DLG1: variants seen among roughly 807,000 people sequenced by gnomAD.
DLG1 encodes the protein disks large homolog 1.
In DLG1, 42 loss-of-function variants were observed where a neutral mutation model predicts 123.4. That is an observed-to-expected ratio of 0.34 (90% CI 0.27 to 0.44). DLG1 has a LOEUF of 0.44. Among genes scored for constraint, DLG1 ranks in the 20% least tolerant of loss-of-function variants. The probability of loss-of-function intolerance (pLI) is 1.00; values close to 1 mark genes in which losing one functional copy is unlikely to be tolerated. For missense variants in DLG1, 942 were observed against 1,082.6 expected (o/e 0.87, Z 1.82); for synonymous variants, 317 against 356.2 (o/e 0.89, Z 1.24).
intron 10 of DLG1, among the ~76,000 whole-genome samples, chr3:197,135,279 G>T (rs1784520845): frequency 6.6e-6 from 1 of 152,210 alleles, no homozygotes; most frequent in South Asian, 2.1e-4. Context: ...ATCCTGAATT[G>T]TAATCCCCAT....
intron 5 of DLG1, among the ~76,000 whole-genome samples, chr3:197,152,832 T>C (rs1379611570): frequency 2.0e-5 from 3 of 151,530 alleles, no homozygotes; most frequent in Admixed American, 2.0e-4. Context: ...ATTTTACCAT[T>C]CTATTTCATC....
chr3:197,090,435 T>C (rs1757135622), intron 15 of DLG1, among the ~76,000 whole-genome samples: 1 of 152,080 alleles, frequency 6.6e-6, no homozygotes, highest in African/African-American at 2.4e-5. Context: ...GTTTAAAAAA[T>C]GCATGTAGAA....
At chr3:197,280,825 C>G (rs1768939721) in intron 4 of DLG1, among the ~76,000 whole-genome samples, 1 of 152,210 alleles carries the variant, frequency 6.6e-6, no homozygotes, top group South Asian at 2.1e-4. Flanking sequence ...AAATAACTGT[C>G]TTAGTCCCTT....
At chr3:197,175,875 C>T (rs1806760618) in intron 5 of DLG1, among the ~76,000 whole-genome samples, 2 of 152,138 alleles carry the variant, frequency 1.3e-5, no homozygotes. Flanking sequence ...AAATGTTGCT[C>T]AGGCTGACTT....
chr3:197,173,877 G>A (rs753671434), intron 5 of DLG1, among the ~76,000 whole-genome samples: 92 of 152,192 alleles, frequency 6.0e-4, no homozygotes, highest in Non-Finnish European at 8.7e-4. Context: ...GCCGAGGCAG[G>A]CAGATCACAT....
chr3:197,136,389 A>G (rs898730848), intron 10 of DLG1, 153 bp downstream of exon 10: 2 of 582,952 alleles, frequency 3.4e-6, no homozygotes, highest in Admixed American at 6.9e-5. Context: ...AAGAATTACC[A>G]AGAATCATTT....
At chr3:197,165,148 A>G (rs556432452) in intron 5 of DLG1, among the ~76,000 whole-genome samples, 1 of 152,274 alleles carries the variant, frequency 6.6e-6, no homozygotes, top group East Asian at 1.9e-4. Flanking sequence ...TTTATTCTGA[A>G]TTATACTTTT....
chr3:197,185,934 T>C (rs1045132508), intron 5 of DLG1, among the ~76,000 whole-genome samples: 1 of 152,174 alleles, frequency 6.6e-6, no homozygotes, highest in Non-Finnish European at 1.5e-5. Flanking sequence ...TGTGCATCTA[T>C]TTACCCTACA....
At chr3:197,203,910 T>C (rs2341184) in intron 4 of DLG1, among the ~76,000 whole-genome samples, 36,499 of 152,074 alleles carry the variant, frequency 0.24, 5,567 homozygotes, top group East Asian at 0.71. Context: ...CACAGATACT[T>C]TTAGGGTAAG....
chr3:197,226,514 G>C (rs1740034077), intron 4 of DLG1, among the ~76,000 whole-genome samples: 1 of 152,128 alleles, frequency 6.6e-6, no homozygotes, highest in Non-Finnish European at 1.5e-5. Flanking sequence ...AAACACTGTA[G>C]TCTGATTTAA....
At chr3:197,119,846 T>C (rs1366803446) in intron 11 of DLG1, among the ~76,000 whole-genome samples, 1 of 152,160 alleles carries the variant, frequency 6.6e-6, no homozygotes, top group Non-Finnish European at 1.5e-5. Flanking sequence ...GGCTTTCCAA[T>C]AAGTGCGAAA....
At position 197,208,198 on chromosome 3, in the gene DLG1, G is replaced by A. The variant is rs561433087; in HGVS notation, c.319-13609C>T. ...GAGGATAAATGTAAATTAAAGCTACGCTGATATACTACTTCTCACATTATC... is the reference window on the plus strand; with the variant it reads ...GAGGATAAATGTAAATTAAAGCTACACTGATATACTACTTCTCACATTATC... On this transcript the variant is annotated intron_variant, in intron 4 of 24. Coordinates refer to ENST00000667157, the MANE Select transcript of DLG1 (RefSeq NM_001366207.1). Among the ~76,000 whole-genome samples, 2 of 146,200 alleles carry A rather than the reference G, an allele frequency of 1.4e-5. 1 individual carries two copies. Among genetic ancestry groups the A allele is most frequent in the Admixed American group, 1.4e-4 (2 of 14,580 alleles).
intron 5 of DLG1, among the ~76,000 whole-genome samples, chr3:197,167,976 T>A (rs766865932): frequency 2.0e-5 from 3 of 152,242 alleles, no homozygotes; most frequent in Admixed American, 1.3e-4. Context: ...TGATTAATAA[T>A]CTACTTTGAT....
chr3:197,201,809 A>AG (rs1453988460), intron 4 of DLG1, among the ~76,000 whole-genome samples: 27 of 152,180 alleles, frequency 1.8e-4, no homozygotes, highest in Non-Finnish European at 3.4e-4. Context: ...TCACAGAAGC[A>AG]GAAAAAAAAA....
intron 1 of DLG1, chr3:197,298,044 T>C (rs934387968): frequency 1.8e-6 from 1 of 540,942 alleles, no homozygotes; most frequent in African/African-American, 2.0e-5. Flanking sequence ...GCCCAGTTGC[T>C]GCCGCACGCC....
At chr3:197,165,025 T>C (rs1304249061) in intron 5 of DLG1, among the ~76,000 whole-genome samples, 2 of 152,062 alleles carry the variant, frequency 1.3e-5, no homozygotes, top group African/African-American at 4.8e-5. Flanking sequence ...ACATTGCTTA[T>C]GACAAAACAT....
chr3:197,181,591 AT>A (rs776344102), intron 5 of DLG1, among the ~76,000 whole-genome samples: 3 of 152,172 alleles, frequency 2.0e-5, no homozygotes, highest in Non-Finnish European at 4.4e-5. Flanking sequence ...GTCCCATTAT[AT>A]TTTAACTTGT....
intron 16 of DLG1, chr3:197,085,187 T>C: frequency 5.7e-6 from 1 of 174,132 alleles, no homozygotes; most frequent in South Asian, 1.3e-4. Flanking sequence ...CTAATTAACA[T>C]ATCCATTACC....
At chr3:197,091,268 T>C (rs139646652) in intron 14 of DLG1, among the ~76,000 whole-genome samples, 9 of 152,186 alleles carry the variant, frequency 5.9e-5, no homozygotes, top group African/African-American at 2.2e-4. Context: ...TTAAAGTTTA[T>C]ACCACATTTA....
Sources: allele counts gnomAD v4.1 joint callset (sites outside exome capture counted in the v4.1 genomes callset), GRCh38; gene constraint gnomAD v4.1.1; transcripts MANE v1.5; gene names NCBI Gene and HGNC (gene_info 2026-07-23, HGNC 2026-07-21).